Variants in ZNF366 observed in about 807,000 individuals in gnomAD.
ZNF366 encodes the protein zinc finger protein 366.
ZNF366 carries 20 observed loss-of-function variants against 47.2 expected under a neutral mutation model. The observed-to-expected ratio is 0.42, with a 90% CI of 0.30 to 0.62. The LOEUF is 0.62. Ranked by LOEUF, ZNF366 falls within the 20% of genes least tolerant of loss-of-function variation. The pLI, the probability that ZNF366 is intolerant of heterozygous loss-of-function variation, is 0.16. For synonymous variants in ZNF366, 421 were observed against 395.1 expected (o/e 1.07, Z -0.78); for missense variants, 987 against 976.3 (o/e 1.01, Z -0.15).
rs6887708 is a variant in ZNF366 at position 72,461,210 on chromosome 5, G to A, written c.287C>T (p.Thr96Ile). 1.8e-3 allele frequency: 2,905 copies of A among 1,614,134 alleles called. 50 individuals carry two copies. The African/African-American group carries it at 0.035, about 20-fold the overall frequency. Reference protein sequence around the residue: ...MPYNHPAEEVTLALHSEENKN... With the variant: ...MPYNHPAEEVILALHSEENKN... Reference sequence around the variant, plus strand: ...GTTCTCCTCTGAGTGGAGGGCGAGGGTGACTTCTTCTGCAGGGTGGTTATA... The same window carrying A: ...GTTCTCCTCTGAGTGGAGGGCGAGGATGACTTCTTCTGCAGGGTGGTTATA... Residue 96 changes from threonine (T) to isoleucine (I), a missense_variant, in exon 2 of 5, where the codon ACC (threonine) becomes ATC (isoleucine). By Grantham distance (89) the Thr-to-Ile change is moderately conservative. Transcript: ENST00000318442.
At chr5:72,465,777 G>A (rs780034632) in intron 1 of ZNF366, among the ~76,000 whole-genome samples, 2 of 152,212 alleles carry the variant, frequency 1.3e-5, no homozygotes, top group African/African-American at 2.4e-5. Context: ...TGTAAAAGCC[G>A]CTGCGTGTGG....
At chr5:72,444,802 T>G (rs1053080852) in intron 4 of ZNF366, among the ~76,000 whole-genome samples, 2 of 152,238 alleles carry the variant, frequency 1.3e-5, no homozygotes, top group African/African-American at 2.4e-5. Context: ...GTGTGTGTAT[T>G]TATTTATAGT....
chr5:72,469,397 C>T (rs536870486), intron 1 of ZNF366, among the ~76,000 whole-genome samples: 91 of 152,204 alleles, frequency 6.0e-4, no homozygotes, highest in African/African-American at 1.9e-3. Flanking sequence ...CTATTCTGCA[C>T]GTCGATATTA....
At chr5:72,467,884 A>G (rs1419196510) in intron 1 of ZNF366, among the ~76,000 whole-genome samples, 1 of 152,270 alleles carries the variant, frequency 6.6e-6, no homozygotes, top group African/African-American at 2.4e-5. Context: ...GAGTCAAGGA[A>G]AATAGTGAGA....
rs778949326 is a variant in ZNF366 at position 72,461,329 on chromosome 5, C to T, written c.168G>A (p.Arg56=). ...CTAGGTCTCCTGGGGGAGGTTCATA[C>T]CGAAACTGGGAAAATGGCCCTCGGA... ...EALRGPFSQF[R]YEPPPGDLDG... Residue 56 remains arginine (R), a synonymous_variant, in exon 2 of 5, where the codon CGG becomes CGA. Coordinates refer to ENST00000318442, the MANE Select transcript of ZNF366 (RefSeq NM_152625.3). 3 of 1,614,042 alleles carry T rather than the reference C, an allele frequency of 1.9e-6. No individual in the cohort carries two copies. The highest frequency in any genetic ancestry group is 2.2e-5 in the East Asian group (1 of 44,846).
At chr5:72,500,227 TG>T (rs1744189670) in intron 1 of ZNF366, among the ~76,000 whole-genome samples, 1 of 152,248 alleles carries the variant, frequency 6.6e-6, no homozygotes, top group South Asian at 2.1e-4. Flanking sequence ...GTTTTCTTCC[TG>T]GAAGAACTCT....
In ZNF366 at chr5:72,456,150, G is replaced by A. The variant is rs953971051; in HGVS notation, c.1524+254C>T. ...TTCCACCCTCAGACCTTTCCCTAGTGCCTGGCTCTACCCCTGGGCATGGAT... is the reference window on the plus strand; with the variant it reads ...TTCCACCCTCAGACCTTTCCCTAGTACCTGGCTCTACCCCTGGGCATGGAT... On this transcript the variant is annotated intron_variant, in intron 3 of 4. Coordinates refer to ENST00000318442, the MANE Select transcript of ZNF366 (RefSeq NM_152625.3). Among the ~76,000 whole-genome samples the A allele has an allele frequency of 1.1e-4, 16 of 152,144 alleles. No homozygotes were observed. The highest frequency in any genetic ancestry group is 2.4e-4 in the Non-Finnish European group (16 of 68,028).
chr5:72,453,277 T>C (rs1026329591), intron 3 of ZNF366, among the ~76,000 whole-genome samples: 3 of 152,176 alleles, frequency 2.0e-5, no homozygotes, highest in Non-Finnish European at 4.4e-5. Flanking sequence ...TTGTGAGTTT[T>C]TGGGTAAAGG....
chr5:72,476,920 G>GT (rs1743685275), intron 1 of ZNF366, among the ~76,000 whole-genome samples: 1 of 152,028 alleles, frequency 6.6e-6, no homozygotes, highest in Non-Finnish European at 1.5e-5. Flanking sequence ...ACTTCTGAAA[G>GT]GTCGGGCTGT....
Position 72,460,216 on chromosome 5 carries a change from G to A in ZNF366, c.1281C>T (p.Gly427=), listed in dbSNP as rs773800487. ...DIRPYICSEC[G]MEFVQPHHLK... ...GGTGGTGCGGCTGCACAAACTCCAT[G>A]CCACACTCTGAGCAGATGTAGGGCC... The change falls in exon 2 of 5, where the codon GGC becomes GGT. Residue 427 remains glycine, a synonymous_variant. Coordinates refer to ENST00000318442, the MANE Select transcript of ZNF366 (RefSeq NM_152625.3). The A allele has an allele frequency of 9.3e-6, 15 of 1,614,154 alleles. No individual in the cohort carries two copies. The Admixed American group carries it at 2.0e-4, about 22-fold the overall frequency.
intron 1 of ZNF366, among the ~76,000 whole-genome samples, chr5:72,462,547 C>CTTTCTTTCTTTCTTTCTTTCCT (rs11275151): frequency 1.3e-5 from 1 of 78,916 alleles, no homozygotes; most frequent in African/African-American, 6.0e-5. Flanking sequence ...TTCTTTCTTT[C>CTTTCTTTCTTTCTTTCTTTCCT]TTTTTTTTTT....
intron 1 of ZNF366, among the ~76,000 whole-genome samples, chr5:72,491,349 A>C (rs979115858): frequency 8.5e-5 from 13 of 152,314 alleles, no homozygotes; most frequent in Non-Finnish European, 1.6e-4. Context: ...TGGGAGAAGA[A>C]GAAGGATGAT....
chr5:72,476,094 C>G (rs994146109), intron 1 of ZNF366, among the ~76,000 whole-genome samples: 1 of 152,086 alleles, frequency 6.6e-6, no homozygotes, highest in Non-Finnish European at 1.5e-5. Flanking sequence ...CTTGGTCATT[C>G]ATATGTTTAT....
intron 1 of ZNF366, among the ~76,000 whole-genome samples, chr5:72,506,184 A>T (rs1329134591): frequency 6.6e-6 from 1 of 152,254 alleles, no homozygotes; most frequent in Non-Finnish European, 1.5e-5. Flanking sequence ...ATAGCAGTGA[A>T]TATTTTTAAA....
Position 72,443,666 on chromosome 5 carries a change from G to A in ZNF366, c.*90C>T, listed in dbSNP as rs565290190. On this transcript the variant is annotated 3_prime_UTR_variant, in exon 5 of 5. Coordinates refer to ENST00000318442, the MANE Select transcript of ZNF366 (RefSeq NM_152625.3). ...CCATTTGTAGAGATTGGTACTATTCGCCAGTCTCCAGAAAATGACAGTTCA... is the reference window on the plus strand; with the variant it reads ...CCATTTGTAGAGATTGGTACTATTCACCAGTCTCCAGAAAATGACAGTTCA... 35 of 1,352,104 alleles carry A rather than the reference G, an allele frequency of 2.6e-5. No individual in the cohort carries two copies. In the Admixed American group the frequency reaches 3.5e-4, roughly 14 times the overall value. The allele number at this position is 1,352,104 out of a possible 1,614,324, so 83.8% of individuals were successfully genotyped here.
At chr5:72,480,935 A>G (rs1743778718) in intron 1 of ZNF366, among the ~76,000 whole-genome samples, 2 of 152,186 alleles carry the variant, frequency 1.3e-5, no homozygotes, top group South Asian at 4.1e-4. Flanking sequence ...GAGCCCCTGT[A>G]TATCGTATTG....
intron 1 of ZNF366, among the ~76,000 whole-genome samples, chr5:72,482,418 C>T (rs1580248562): frequency 6.6e-6 from 1 of 152,090 alleles, no homozygotes; most frequent in East Asian, 1.9e-4. Flanking sequence ...ATAAGGACTA[C>T]CAAATGCTGA....
intron 1 of ZNF366, among the ~76,000 whole-genome samples, chr5:72,505,006 C>G (rs1399901858): frequency 6.6e-6 from 1 of 152,210 alleles, no homozygotes; most frequent in Non-Finnish European, 1.5e-5. Context: ...TCTAATTTGA[C>G]TCACATCCCA....
At chr5:72,468,847 T>C (rs2112335031) in intron 1 of ZNF366, among the ~76,000 whole-genome samples, 1 of 152,320 alleles carries the variant, frequency 6.6e-6, no homozygotes, top group East Asian at 1.9e-4. Flanking sequence ...GAGATATGAC[T>C]TAGCAGTTCT....
Sources: allele counts gnomAD v4.1 joint callset (sites outside exome capture counted in the v4.1 genomes callset), GRCh38; gene constraint gnomAD v4.1.1; transcripts MANE v1.5; gene names NCBI Gene and HGNC (gene_info 2026-07-23, HGNC 2026-07-21).